The following CADPS2 variants were observed in gnomAD, a reference collection of about 807,000 sequenced individuals.
CADPS2 encodes calcium-dependent secretion activator 2.
Under a neutral mutation model 172.5 loss-of-function variants are expected in CADPS2, and 93 were observed. The ratio of observed to expected loss-of-function variants is 0.54; its 90% CI spans 0.46 to 0.64. The LOEUF is 0.64. Ranked by LOEUF, CADPS2 falls within the 30% of genes least tolerant of loss-of-function variation. CADPS2 has a pLI of 0.00. For synonymous variants in CADPS2, 546 were observed against 555.2 expected (o/e 0.98, Z 0.23); for missense variants, 1,420 against 1,565.9 (o/e 0.91, Z 1.57).
chr7:122,551,930 C>T (rs1376503377), intron 8 of CADPS2, among the ~76,000 whole-genome samples: 3 of 152,070 alleles, frequency 2.0e-5, no homozygotes, highest in Non-Finnish European at 2.9e-5. Context: ...GCAGTAAAAT[C>T]CATTGATGAA....
intron 17 of CADPS2, chr7:122,421,186 T>C (rs1363932594): frequency 6.6e-6 from 1 of 152,230 alleles, no homozygotes; most frequent in African/African-American, 2.4e-5. Flanking sequence ...ACCTTAACTT[T>C]AAAATTTTTT....
rs1048459640 is a variant in CADPS2 at position 122,549,569 on chromosome 7, G to A, written c.1475+4981C>T. On this transcript the variant is annotated intron_variant, in intron 8 of 29. Coordinates refer to ENST00000449022, the MANE Select transcript of CADPS2 (RefSeq NM_017954.11). ...CTAGGAGGTGGAGGTTGCAGTGAGC[G>A]GAGATGGTGCCACTGCAATTCAGCC... Among the ~76,000 whole-genome samples, 10 of 151,708 alleles carry A rather than the reference G, an allele frequency of 6.6e-5. No individual in the cohort carries two copies. The East Asian group carries it at 1.2e-3, about 18-fold the overall frequency.
chr7:122,460,494 C>T (rs534098832), intron 14 of CADPS2, among the ~76,000 whole-genome samples: 7 of 151,840 alleles, frequency 4.6e-5, no homozygotes, highest in Non-Finnish European at 8.8e-5. Context: ...AGTGCACTCC[C>T]TAACATCAAG....
intron 1 of CADPS2, among the ~76,000 whole-genome samples, chr7:122,853,575 T>C (rs997374276): frequency 9.2e-5 from 14 of 152,222 alleles, no homozygotes; most frequent in African/African-American, 3.1e-4. Flanking sequence ...TAGCTCCCTA[T>C]ACCAAATCCC....
At chr7:122,838,540 G>T (rs1006330134) in intron 1 of CADPS2, among the ~76,000 whole-genome samples, 3 of 152,140 alleles carry the variant, frequency 2.0e-5, no homozygotes, top group Admixed American at 1.3e-4. Context: ...CATTGTCTCA[G>T]CCCCAAATCT....
At chr7:122,469,298 G>T (rs1471256414) in intron 14 of CADPS2, among the ~76,000 whole-genome samples, 2 of 152,148 alleles carry the variant, frequency 1.3e-5, no homozygotes, top group African/African-American at 4.8e-5. Context: ...CTGTGTGGAT[G>T]AATAAAATAT....
At chr7:122,726,773 CAA>C (rs35290526) in intron 2 of CADPS2, among the ~76,000 whole-genome samples, 3 of 129,510 alleles carry the variant, frequency 2.3e-5, no homozygotes, top group South Asian at 2.4e-4. Context: ...CTTCCTGATA[CAA>C]AAAAAAAAAA....
At chr7:122,591,854 T>A (rs1186988100) in intron 6 of CADPS2, among the ~76,000 whole-genome samples, 1 of 152,144 alleles carries the variant, frequency 6.6e-6, no homozygotes, top group African/African-American at 2.4e-5. Context: ...GATCAAAGAC[T>A]CAAATGTCAG....
intron 17 of CADPS2, among the ~76,000 whole-genome samples, chr7:122,420,388 T>C (rs1313811277): frequency 1.3e-5 from 2 of 152,250 alleles, no homozygotes; most frequent in East Asian, 3.9e-4. Flanking sequence ...TTATTCTTTC[T>C]AGATTAAATT....
At chr7:122,692,608 G>C (rs1184465694) in intron 2 of CADPS2, among the ~76,000 whole-genome samples, 2 of 152,122 alleles carry the variant, frequency 1.3e-5, no homozygotes, top group Admixed American at 1.3e-4. Context: ...CCACATAGCC[G>C]ACCCAAGACC....
intron 15 of CADPS2, among the ~76,000 whole-genome samples, chr7:122,447,815 A>G (rs969673615): frequency 5.3e-5 from 8 of 151,814 alleles, no homozygotes; most frequent in Admixed American, 3.3e-4. Flanking sequence ...AGTCTCCCAA[A>G]ATGTTGGGAT....
chr7:122,725,201 C>G (rs927618100), intron 2 of CADPS2, among the ~76,000 whole-genome samples: 1 of 151,952 alleles, frequency 6.6e-6, no homozygotes, highest in East Asian at 1.9e-4. Flanking sequence ...TAAGTAAATG[C>G]TATATCTTAG....
rs868824131 is a variant in CADPS2, at chr7:122,663,266, C to G, written c.757G>C (p.Glu253Gln). The G allele has an allele frequency of 2.5e-6, 4 of 1,613,202 alleles. No individual in the cohort carries two copies. The Admixed American group carries it at 6.7e-5, about 27-fold the overall frequency. Residue 253 changes from glutamate to glutamine, a missense_variant, in exon 3 of 30, where the codon GAA becomes CAA. Physicochemically the swap from Glu to Gln is conservative, Grantham distance 29. Coordinates refer to ENST00000449022, the MANE Select transcript of CADPS2 (RefSeq NM_017954.11). ...FQQILGIKKLEHQLLYNACQL... is the reference protein window; with the variant it reads ...FQQILGIKKLQHQLLYNACQL... ...CATGCATTATAAAGGAGCTGGTGTT[C>G]CAGTTTTTTAATACCCAGAATCTGC...
At chr7:122,619,459 CA>C (rs113157386) in intron 5 of CADPS2, among the ~76,000 whole-genome samples, 8,823 of 95,238 alleles carry the variant, frequency 0.093, 309 homozygotes, top group Middle Eastern at 0.19. Flanking sequence ...CTAAAAAATA[CA>C]AAAAAAAAAA....
At chr7:122,480,474 T>G (rs1350938331) in intron 12 of CADPS2, among the ~76,000 whole-genome samples, 1 of 152,180 alleles carries the variant, frequency 6.6e-6, no homozygotes, top group Admixed American at 6.6e-5. Context: ...ACATATCCAC[T>G]GAATATTTTA....
intron 28 of CADPS2, among the ~76,000 whole-genome samples, chr7:122,336,643 C>G (rs1037696316): frequency 2.0e-5 from 3 of 152,172 alleles, no homozygotes; most frequent in African/African-American, 7.2e-5. Flanking sequence ...AGAGAATATT[C>G]TAATTTCTTG....
intron 28 of CADPS2, among the ~76,000 whole-genome samples, chr7:122,329,194 C>A (rs2034477139): frequency 1.3e-5 from 2 of 152,216 alleles, no homozygotes; most frequent in African/African-American, 2.4e-5. Flanking sequence ...CACCCTGAAC[C>A]CCCTCAGTGG....
intron 15 of CADPS2, among the ~76,000 whole-genome samples, chr7:122,450,810 C>T (rs1230364022): frequency 6.6e-6 from 1 of 152,074 alleles, no homozygotes; most frequent in Non-Finnish European, 1.5e-5. Context: ...GTTGGGATTA[C>T]AGGCATGAGA....
chr7:122,854,655 T>G (rs993583012), intron 1 of CADPS2, among the ~76,000 whole-genome samples: 1 of 152,218 alleles, frequency 6.6e-6, no homozygotes, highest in African/African-American at 2.4e-5. Flanking sequence ...TTTTTATTGT[T>G]GCAGGTAAGT....
Sources: gnomAD v4.1 joint callset for allele counts (sites outside exome capture counted in the v4.1 genomes callset) on GRCh38, gnomAD v4.1.1 for gene constraint, MANE v1.5 for transcripts, NCBI Gene and HGNC (gene_info 2026-07-23, HGNC 2026-07-21) for gene names.